The following TMEM232 variants were observed in gnomAD, a reference collection of about 807,000 sequenced individuals.
TMEM232 encodes the protein transmembrane protein 232.
A neutral mutation model predicts 78.8 loss-of-function variants in TMEM232; 80 were observed. The observed-to-expected ratio is 1.01, with a 90% confidence interval of 0.85 to 1.22. The LOEUF is 1.22. Among genes scored for constraint, TMEM232 ranks in the 50% most tolerant of loss-of-function variants. The probability of loss-of-function intolerance (pLI) is 0.00; values close to 1 mark genes in which losing one functional copy is unlikely to be tolerated. For missense variants in TMEM232, 881 were observed against 742.2 expected, an observed-to-expected ratio of 1.19 and a Z score of -2.17; for synonymous variants, 297 against 254.3, an observed-to-expected ratio of 1.17 and a Z score of -1.60.
intron 11 of TMEM232, among the ~76,000 whole-genome samples, chr5:110,534,046 G>A (rs1277473940): frequency 6.6e-6 from 1 of 152,090 alleles, no homozygotes; most frequent in Admixed American, 6.5e-5. Context: ...CCCCGCCCAG[G>A]ACTGGCAAAT....
intron 2 of TMEM232, among the ~76,000 whole-genome samples, chr5:110,664,121 T>C (rs115171078): frequency 0.024 from 3,695 of 152,012 alleles, 144 homozygotes; most frequent in African/African-American, 0.084. Context: ...GCCTGGGAGA[T>C]AGAGAAAGAC....
chr5:110,668,463 C>T (rs947024305), intron 1 of TMEM232, among the ~76,000 whole-genome samples: 1 of 152,044 alleles, frequency 6.6e-6, no homozygotes, highest in Non-Finnish European at 1.5e-5. Context: ...AAACTAGAAG[C>T]CAGAAAGTAC....
At chr5:110,604,390 A>C (rs1781294905) in intron 10 of TMEM232, among the ~76,000 whole-genome samples, 1 of 152,166 alleles carries the variant, frequency 6.6e-6, no homozygotes. Flanking sequence ...GGACTATAAG[A>C]TGTCAGGTGT....
chr5:110,429,374 G>A (rs1165044352), intron 12 of TMEM232, among the ~76,000 whole-genome samples: 2 of 151,738 alleles, frequency 1.3e-5, no homozygotes, highest in Non-Finnish European at 2.9e-5. Context: ...AATGTGCAAA[G>A]ATATTTACAA....
intron 1 of TMEM232, among the ~76,000 whole-genome samples, chr5:110,675,122 T>A (rs1354513622): frequency 6.6e-6 from 1 of 152,120 alleles, no homozygotes; most frequent in African/African-American, 2.4e-5. Flanking sequence ...CTCGGCTCAC[T>A]GCAACCTCCA....
Position 110,598,394 on chromosome 5 carries a change from C to T in TMEM232, c.1276+6715G>A, listed in dbSNP as rs554824598. 1.6e-4 allele frequency among the ~76,000 whole-genome samples: 25 copies of T among 152,246 alleles called. No homozygotes were observed. The South Asian group carries it at 1.9e-3, about 11-fold the overall frequency. ...TGGAGAGGCTGTGAAGAAATAGGAA[C>T]GCTTTTACACTGTTGGTGGGACTGT... On this transcript the variant is annotated intron_variant, in intron 10 of 13. Coordinates refer to ENST00000455884, the MANE Select transcript of TMEM232 (RefSeq NM_001039763.4).
intron 11 of TMEM232, among the ~76,000 whole-genome samples, chr5:110,554,647 T>C (rs1731316872): frequency 6.6e-6 from 1 of 152,146 alleles, no homozygotes; most frequent in Admixed American, 6.6e-5. Context: ...GGTTTTGGTA[T>C]CACAATGATG....
intron 12 of TMEM232, among the ~76,000 whole-genome samples, chr5:110,448,908 A>G (rs372433911): frequency 1.3e-5 from 2 of 152,160 alleles, no homozygotes; most frequent in African/African-American, 4.8e-5. Flanking sequence ...AAAACAAGAC[A>G]TAATACAAAA....
At chr5:110,550,877 TAAA>T (rs776156374) in intron 11 of TMEM232, among the ~76,000 whole-genome samples, 2 of 123,254 alleles carry the variant, frequency 1.6e-5, no homozygotes, top group African/African-American at 3.0e-5. Flanking sequence ...AATGTTACAG[TAAA>T]AAAAAAAAAA....
At chr5:110,516,302 C>A (rs1768640492) in intron 12 of TMEM232, among the ~76,000 whole-genome samples, 1 of 152,100 alleles carries the variant, frequency 6.6e-6, no homozygotes, top group Admixed American at 6.5e-5. Context: ...TGTTAATGTT[C>A]TCCTAGTCTT....
chr5:110,494,990 A>C (rs1043575568), intron 12 of TMEM232, among the ~76,000 whole-genome samples: 2 of 151,776 alleles, frequency 1.3e-5, no homozygotes, highest in African/African-American at 4.8e-5. Flanking sequence ...TAATGGAATT[A>C]GAACTATGAA....
At chr5:110,729,866 G>T (rs942755262), upstream of TMEM232, among the ~76,000 whole-genome samples, 1 of 152,102 alleles carries the variant, frequency 6.6e-6, no homozygotes, top group Non-Finnish European at 1.5e-5. Context: ...AACAAATTGA[G>T]TTTCTGTTAT....
chr5:110,435,896 T>C (rs2112717114), intron 12 of TMEM232, among the ~76,000 whole-genome samples: 1 of 152,172 alleles, frequency 6.6e-6, no homozygotes, highest in Non-Finnish European at 1.5e-5. Flanking sequence ...CCTTGGCTAT[T>C]GTGAACAATG....
chr5:110,585,583 T>C (rs1289106074), intron 10 of TMEM232, among the ~76,000 whole-genome samples: 1 of 152,134 alleles, frequency 6.6e-6, no homozygotes, highest in East Asian at 1.9e-4. Context: ...TGGGCAGTCT[T>C]AGAATATTTG....
At chr5:110,702,386 C>G (rs1358958883) in intron 1 of TMEM232, among the ~76,000 whole-genome samples, 1 of 151,974 alleles carries the variant, frequency 6.6e-6, no homozygotes, top group Non-Finnish European at 1.5e-5. Flanking sequence ...TTAGCCATTG[C>G]CATGCTCCTT....
chr5:110,650,270 C>A (rs1788121465), intron 2 of TMEM232, among the ~76,000 whole-genome samples: 1 of 152,002 alleles, frequency 6.6e-6, no homozygotes, highest in Admixed American at 6.6e-5. Context: ...AGTATACAAA[C>A]AGAAATCTAA....
intron 12 of TMEM232, among the ~76,000 whole-genome samples, chr5:110,510,354 T>C (rs1291320221): frequency 6.6e-6 from 1 of 152,192 alleles, no homozygotes; most frequent in Non-Finnish European, 1.5e-5. Flanking sequence ...GACACAACTA[T>C]TCAACCAGTT....
At chr5:110,708,861 C>T (rs1265202751) in intron 1 of TMEM232, among the ~76,000 whole-genome samples, 1 of 151,870 alleles carries the variant, frequency 6.6e-6, no homozygotes, top group African/African-American at 2.4e-5. Flanking sequence ...AACAAAATGG[C>T]AGGAGTAAGT....
intron 10 of TMEM232, among the ~76,000 whole-genome samples, chr5:110,572,820 C>T (rs577722519): frequency 1.9e-4 from 29 of 152,008 alleles, no homozygotes; most frequent in African/African-American, 7.0e-4. Flanking sequence ...AGAAAAAAAA[C>T]CTTATAAAGA....
Sources: gnomAD v4.1 joint callset for allele counts (sites outside exome capture counted in the v4.1 genomes callset) on GRCh38, gnomAD v4.1.1 for gene constraint, MANE v1.5 for transcripts, NCBI Gene and HGNC (gene_info 2026-07-23, HGNC 2026-07-21) for gene names.